The following DYM variants were observed in gnomAD, a reference collection of about 807,000 sequenced individuals.
DYM encodes dyggve-Melchior-Clausen syndrome protein.
In DYM, 78 loss-of-function variants were observed where a neutral mutation model predicts 93.1. The observed-to-expected ratio is 0.84, with a 90% CI of 0.70 to 1.01. The LOEUF is 1.01. Among genes scored for constraint, DYM ranks in the 50% least tolerant of loss-of-function variants. The pLI, the probability that DYM is intolerant of heterozygous loss-of-function variation, is 0.00. For synonymous variants in DYM, 321 were observed against 319.7 expected (o/e 1.00, Z -0.04); for missense variants, 789 against 845.0 (o/e 0.93, Z 0.82).
chr18:49,266,077 G>A (rs531447618), intron 11 of DYM, among the ~76,000 whole-genome samples: 74 of 151,898 alleles, frequency 4.9e-4, no homozygotes, highest in African/African-American at 1.6e-3. Flanking sequence ...CGAGAATTGC[G>A]TAAAACAGAG....
intron 6 of DYM, among the ~76,000 whole-genome samples, chr18:49,338,592 C>G (rs2063842248): frequency 6.6e-6 from 1 of 152,150 alleles, no homozygotes; most frequent in Non-Finnish European, 1.5e-5. Context: ...ATTGATAATT[C>G]AAAGACAGAC....
At chr18:49,203,167 G>A (rs1341728300) in intron 14 of DYM, among the ~76,000 whole-genome samples, 2 of 92,754 alleles carry the variant, frequency 2.2e-5, no homozygotes, top group Non-Finnish European at 4.6e-5. Context: ...CGCCCCGTCC[G>A]GGAGGGAGGT....
chr18:49,267,217 A>G (rs1211851399), intron 11 of DYM, among the ~76,000 whole-genome samples: 1 of 151,908 alleles, frequency 6.6e-6, no homozygotes, highest in Admixed American at 6.6e-5. Flanking sequence ...AAAAAAGAAG[A>G]GGTAATAAGA....
At position 49,390,880 on chromosome 18, in the gene DYM, T is replaced by C. The variant is rs532070408; in HGVS notation, c.193+713A>G. On this transcript the variant is annotated intron_variant, in intron 3 of 17. Coordinates refer to ENST00000675505, the MANE Select transcript of DYM (RefSeq NM_001353214.3). ...GTACCCTAGGTATTTCACAGACACA[T>C]TGTCTTACTTTTCAAAGCACCAATG... The C allele has an allele frequency of 2.9e-3, 447 of 153,696 alleles. 1 individual carries two copies. Among genetic ancestry groups the C allele is most frequent in the Admixed American group, 6.8e-3 (106 of 15,582 alleles). 9.5% of individuals were successfully genotyped at this position (153,696 alleles called of 1,614,324 possible).
intron 1 of DYM, among the ~76,000 whole-genome samples, chr18:49,456,035 G>T (rs559461546): frequency 6.6e-6 from 1 of 151,744 alleles, no homozygotes; most frequent in African/African-American, 2.4e-5. Context: ...TTTTGACCAG[G>T]CATATTCCTG....
chr18:49,052,083 A>G (rs2072516660), intron 17 of DYM, among the ~76,000 whole-genome samples: 1 of 152,224 alleles, frequency 6.6e-6, no homozygotes, highest in South Asian at 2.1e-4. Context: ...TTATTTATGC[A>G]TGTTCTCCAG....
intron 16 of DYM, among the ~76,000 whole-genome samples, chr18:49,100,878 T>C (rs944876523): frequency 1.3e-5 from 2 of 152,242 alleles, no homozygotes; most frequent in African/African-American, 2.4e-5. Flanking sequence ...TACTTTATCA[T>C]GTCTCCGGCA....
At chr18:49,329,771 T>G (rs1038606996) in intron 8 of DYM, 1 of 152,236 alleles carries the variant, frequency 6.6e-6, no homozygotes, top group Non-Finnish European at 1.5e-5. Flanking sequence ...AAAGAAATGC[T>G]TGCTATATCC....
intron 8 of DYM, among the ~76,000 whole-genome samples, chr18:49,308,707 A>G (rs1430664834): frequency 6.6e-6 from 1 of 152,162 alleles, no homozygotes; most frequent in East Asian, 1.9e-4. Flanking sequence ...ACAATGGGAG[A>G]CACTGGCGGG....
chr18:49,257,903 C>T (rs1354629305), intron 12 of DYM, among the ~76,000 whole-genome samples: 1 of 152,050 alleles, frequency 6.6e-6, no homozygotes, highest in African/African-American at 2.4e-5. Context: ...ATTCTGTACA[C>T]TGCTTCTCTT....
chr18:49,289,938 A>T (rs2060003864), intron 8 of DYM, among the ~76,000 whole-genome samples: 1 of 151,408 alleles, frequency 6.6e-6, no homozygotes, highest in Non-Finnish European at 1.5e-5. Context: ...CACTGATAAG[A>T]CTCAGTAGTA....
chr18:49,291,474 C>G (rs118168946), intron 8 of DYM, among the ~76,000 whole-genome samples: 12 of 152,162 alleles, frequency 7.9e-5, no homozygotes, highest in Non-Finnish European at 1.3e-4. Flanking sequence ...TTTTAAGGAG[C>G]TGTTATGGGG....
chr18:49,332,125 A>G (rs1357037688), intron 7 of DYM, 119 bp from the exon 8 acceptor site: 1 of 1,066,364 alleles, frequency 9.4e-7, no homozygotes, highest in African/African-American at 1.6e-5. Flanking sequence ...GGCTATTGGC[A>G]CAACTCACAG....
rs116203249 is a variant in DYM, at chr18:49,387,793, G to A, written c.193+3800C>T. ...ATGCAACTCACTTTATTGCAATACT[G>A]GCTTTATCTCAGTGGTCTGGAACTG... On this transcript the variant is annotated intron_variant, in intron 3 of 17. Coordinates refer to ENST00000675505, the MANE Select transcript of DYM (RefSeq NM_001353214.3). Among the ~76,000 whole-genome samples the A allele has an allele frequency of 3.5e-3, 533 of 152,166 alleles. 4 individuals carry two copies. Among genetic ancestry groups the A allele is most frequent in the African/African-American group, 0.012 (493 of 41,520 alleles).
At chr18:49,433,670 C>T (rs921559293) in intron 1 of DYM, among the ~76,000 whole-genome samples, 2 of 152,064 alleles carry the variant, frequency 1.3e-5, no homozygotes, top group Non-Finnish European at 2.9e-5. Context: ...AAGTTCGAGA[C>T]TAACCTGGTC....
At chr18:49,248,647 C>T (rs746814423) in intron 13 of DYM, among the ~76,000 whole-genome samples, 8 of 150,876 alleles carry the variant, frequency 5.3e-5, no homozygotes, top group Non-Finnish European at 8.8e-5. Context: ...AAAAAACCAA[C>T]TATAACACTT....
intron 15 of DYM, among the ~76,000 whole-genome samples, chr18:49,137,354 A>G (rs569822963): frequency 6.6e-6 from 1 of 152,350 alleles, no homozygotes; most frequent in South Asian, 2.1e-4. Flanking sequence ...CCTCAGTTCT[A>G]GACCTGACTC....
rs72415237 is a variant in DYM at position 49,292,592 on chromosome 18, G to GA, written c.764-5977dup. On this transcript the variant is annotated intron_variant, in intron 8 of 17. Coordinates refer to ENST00000675505, the MANE Select transcript of DYM (RefSeq NM_001353214.3). The stretch of plus-strand genomic sequence containing the variant: ...TTAGTGGAATTGCATTTTCCTGTTG[G>GA]AAAAAAAAAAAAAAAAAAAAAAAAA... Among the ~76,000 whole-genome samples, 367 of 78,692 alleles carry GA rather than the reference G, an allele frequency of 4.7e-3. 5 individuals carry two copies. The highest frequency in any genetic ancestry group is 5.4e-3 in the Non-Finnish European group (204 of 38,078). 51.6% of individuals were successfully genotyped at this position (78,692 alleles called of 152,430 possible). A position where few individuals can be genotyped will look rare whatever the true frequency, so the allele number is the denominator to read the frequency against.
intron 17 of DYM, among the ~76,000 whole-genome samples, chr18:49,050,848 T>C (rs357893): frequency 0.71 from 107,996 of 151,970 alleles, 39,069 homozygotes; most frequent in Admixed American, 0.81. Context: ...CAAACATCGG[T>C]TCTAAGAAGG....
Sources: gnomAD v4.1 joint callset for allele counts (sites outside exome capture counted in the v4.1 genomes callset) on GRCh38, gnomAD v4.1.1 for gene constraint, MANE v1.5 for transcripts, NCBI Gene and HGNC (gene_info 2026-07-23, HGNC 2026-07-21) for gene names.